Variants in KAZN observed in about 807,000 individuals in gnomAD.
KAZN encodes the protein kazrin.
A neutral mutation model predicts 87.4 loss-of-function variants in KAZN; 40 were observed. That is an observed-to-expected ratio of 0.46 (90% CI 0.36 to 0.60). KAZN has a LOEUF of 0.60. KAZN is among the 20% of genes least tolerant of loss of function. The pLI, the probability that KAZN is intolerant of heterozygous loss-of-function variation, is 0.00. For synonymous variants in KAZN, 466 were observed against 458.3 expected (o/e 1.02, Z -0.22); for missense variants, 898 against 1,073.9 (o/e 0.84, Z 2.29).
At chr1:14,998,987 CA>C (rs1426830590) in intron 2 of KAZN, among the ~76,000 whole-genome samples, 1 of 152,216 alleles carries the variant, frequency 6.6e-6, no homozygotes, top group Non-Finnish European at 1.5e-5. Context: ...CTGGGAACAA[CA>C]GTCACCAGGT....
chr1:14,138,226 A>T (rs990014375), intron 1 of KAZN, among the ~76,000 whole-genome samples: 1 of 152,060 alleles, frequency 6.6e-6, no homozygotes, highest in African/African-American at 2.4e-5. Context: ...AGGCAGGGTG[A>T]GCCTCAGGGC....
intron 1 of KAZN, among the ~76,000 whole-genome samples, chr1:14,130,744 G>T (rs1644975690): frequency 6.6e-6 from 1 of 152,120 alleles, no homozygotes; most frequent in Admixed American, 6.5e-5. Flanking sequence ...ACCACTGAGT[G>T]TGCTGATTGT....
chr1:14,532,124 C>T (rs1295899967), intron 2 of KAZN, among the ~76,000 whole-genome samples: 2 of 152,258 alleles, frequency 1.3e-5, no homozygotes, highest in East Asian at 1.9e-4. Context: ...CTGTTGTGGG[C>T]ATGACAGCCT....
Position 14,509,467 on chromosome 1 carries a change from G to C in KAZN, c.250-89516G>C, listed in dbSNP as rs1039766768. Reference sequence around the variant, plus strand: ...CCCAGCTCACCAAATGGGTGAAACTGCCATGGCCTTTACGCATGTGAAGCC... The same window carrying C: ...CCCAGCTCACCAAATGGGTGAAACTCCCATGGCCTTTACGCATGTGAAGCC... On this transcript the variant is annotated intron_variant, in intron 2 of 16. Coordinates refer to the KAZN transcript ENST00000636203. Among the ~76,000 whole-genome samples, 5 of 152,352 alleles carry C rather than the reference G, an allele frequency of 3.3e-5. No individual in the cohort carries two copies. The South Asian group carries it at 6.2e-4, about 19-fold the overall frequency.
At chr1:14,247,391 C>G (rs778202816) in intron 2 of KAZN, among the ~76,000 whole-genome samples, 1 of 152,266 alleles carries the variant, frequency 6.6e-6, no homozygotes, top group Middle Eastern at 3.4e-3. Context: ...TGGATAAGAT[C>G]GGTGTTAGAA....
At chr1:14,733,492 G>C (rs756883032) in intron 1 of KAZN, among the ~76,000 whole-genome samples, 13 of 152,166 alleles carry the variant, frequency 8.5e-5, no homozygotes, top group Admixed American at 3.3e-4. Flanking sequence ...GTGCAGCCTC[G>C]TGCCGTAGGG....
At chr1:14,914,943 C>T (rs930754112) in intron 1 of KAZN, among the ~76,000 whole-genome samples, 26 of 152,354 alleles carry the variant, frequency 1.7e-4, no homozygotes, top group Admixed American at 1.6e-3. Flanking sequence ...ATAATCCCAG[C>T]ACTTTGGGAG....
At chr1:14,266,506 A>G (rs1651482752) in intron 2 of KAZN, among the ~76,000 whole-genome samples, 1 of 152,234 alleles carries the variant, frequency 6.6e-6, no homozygotes, top group Admixed American at 6.5e-5. Context: ...CCAAACTTCT[A>G]AATGAAGACC....
intron 2 of KAZN, among the ~76,000 whole-genome samples, chr1:14,486,951 C>T (rs1669381476): frequency 6.6e-6 from 1 of 152,164 alleles, no homozygotes; most frequent in Admixed American, 6.5e-5. Flanking sequence ...TGTGGTTTTG[C>T]TTGTGGCCAA....
At chr1:14,906,864 CCG>C (rs1656643364) in intron 1 of KAZN, among the ~76,000 whole-genome samples, 1 of 151,352 alleles carries the variant, frequency 6.6e-6, no homozygotes, top group South Asian at 2.1e-4. Flanking sequence ...GGGTCCACAC[CCG>C]CTCCCCGCCT....
chr1:14,310,030 A>C (rs1283881849), intron 2 of KAZN, among the ~76,000 whole-genome samples: 1 of 152,182 alleles, frequency 6.6e-6, no homozygotes, highest in Non-Finnish European at 1.5e-5. Context: ...AGGTACAGCT[A>C]TCAGGACTTG....
intron 1 of KAZN, among the ~76,000 whole-genome samples, chr1:13,930,280 A>T (rs1375050328): frequency 1.3e-5 from 2 of 152,172 alleles, no homozygotes; most frequent in African/African-American, 4.8e-5. Context: ...TATGAAAAGG[A>T]CAAGCCCCGG....
At chr1:14,321,198 G>A (rs7529132) in intron 2 of KAZN, among the ~76,000 whole-genome samples, 2,281 of 152,196 alleles carry the variant, frequency 0.015, 61 homozygotes, top group African/African-American at 0.052. Flanking sequence ...GGTTTGTCAA[G>A]GTGAAGAAGA....
At chr1:14,998,548 TTTTA>T (rs1668136651) in intron 2 of KAZN, among the ~76,000 whole-genome samples, 1 of 152,090 alleles carries the variant, frequency 6.6e-6, no homozygotes, top group Admixed American at 6.6e-5. Context: ...TTCATTTATT[TTTTA>T]TTTTTTTATT....
chr1:14,612,631 A>C (rs1346272263), intron 1 of KAZN, among the ~76,000 whole-genome samples: 2 of 152,182 alleles, frequency 1.3e-5, no homozygotes, highest in East Asian at 1.9e-4. Flanking sequence ...GGTTTCATGC[A>C]GGGGTCCTTG....
rs776931028 is a variant in KAZN, at chr1:15,104,182, C to A, written c.2041C>A (p.Pro681Thr). Residue 681 changes from proline to threonine, a missense_variant, in exon 13 of 15, where the codon CCA becomes ACA. Coordinates refer to ENST00000376030, the MANE Select transcript of KAZN (RefSeq NM_201628.3). The stretch of plus-strand genomic sequence containing the variant: ...AGAGGAGATGAGCGCCGTCTTCCAC[C>A]CAGCCAAGTGAGCACGGGCTGGGAT... ...LAEEMSAVFH[P>T]ANSTGIREAE... 67 of 1,580,964 alleles carry A rather than the reference C, an allele frequency of 4.2e-5. No homozygotes were observed. Among genetic ancestry groups the A allele is most frequent in the Non-Finnish European group, 5.6e-5 (65 of 1,164,146 alleles).
rs377753124 is a variant in KAZN at position 14,483,617 on chromosome 1, T to C, written c.250-115366T>C. On this transcript the variant is annotated intron_variant, in intron 2 of 16. Transcript: ENST00000636203. ...TTTTGCGAAAGTGTGTCTACAGCAG[T>C]TATGTTACAATTTGGTTTTATACAT... Among the ~76,000 whole-genome samples, 15 of 152,354 alleles carry C rather than the reference T, an allele frequency of 9.8e-5. 1 individual carries two copies. The highest frequency in any genetic ancestry group is 6.5e-4 in the Admixed American group (10 of 15,296).
intron 2 of KAZN, among the ~76,000 whole-genome samples, chr1:15,031,639 T>A (rs1671717702): frequency 1.3e-5 from 2 of 152,146 alleles, no homozygotes; most frequent in South Asian, 4.1e-4. Context: ...GATCTTGCTC[T>A]GTCACCCAGG....
intron 1 of KAZN, among the ~76,000 whole-genome samples, chr1:14,107,472 T>C (rs1201244290): frequency 1.3e-5 from 2 of 152,106 alleles, no homozygotes; most frequent in Non-Finnish European, 2.9e-5. Context: ...TCCCTGTCCT[T>C]TGCAACTCAC....
Sources: gnomAD v4.1 joint callset for allele counts (sites outside exome capture counted in the v4.1 genomes callset) on GRCh38, gnomAD v4.1.1 for gene constraint, MANE v1.5 for transcripts, NCBI Gene and HGNC (gene_info 2026-07-23, HGNC 2026-07-21) for gene names.